ME2: variants seen among roughly 807,000 people sequenced by gnomAD.
ME2 encodes malic enzyme 2.
A neutral mutation model predicts 73.7 loss-of-function variants in ME2; 60 were observed. The ratio of observed to expected loss-of-function variants is 0.81; its 90% CI spans 0.66 to 1.01. ME2 has a LOEUF of 1.01. Among genes scored for constraint, ME2 ranks in the 50% least tolerant of loss-of-function variants. The pLI is 0.00. For missense variants in ME2, 594 were observed against 705.5 expected (o/e 0.84, Z 1.79); for synonymous variants, 199 against 236.9 (o/e 0.84, Z 1.47).
chr18:50,880,857 T>C (rs1218710968), intron 1 of ME2, among the ~76,000 whole-genome samples: 1 of 152,266 alleles, frequency 6.6e-6, no homozygotes, highest in Non-Finnish European at 1.5e-5. Flanking sequence ...AGGGTGTTTA[T>C]ATGTTTTTGT....
chr18:50,880,326 A>T (rs1916287660), intron 1 of ME2, among the ~76,000 whole-genome samples: 1 of 152,166 alleles, frequency 6.6e-6, no homozygotes, highest in Non-Finnish European at 1.5e-5. Context: ...ATTCAAACTC[A>T]AGTGGTCTAA....
At chr18:50,896,010 T>A (rs1916735117) in intron 2 of ME2, 82 bp downstream of exon 2, 3 of 942,940 alleles carry the variant, frequency 3.2e-6, no homozygotes, top group Non-Finnish European at 3.3e-6. Context: ...GTGTGACATA[T>A]TTTTGTAGCT....
chr18:50,881,755 C>T (rs554827029), intron 1 of ME2, among the ~76,000 whole-genome samples: 6 of 152,288 alleles, frequency 3.9e-5, no homozygotes, highest in African/African-American at 1.2e-4. Flanking sequence ...ATTTAGAAGG[C>T]ACCTTGTGAC....
At chr18:50,927,155 C>T (rs1413027567) in intron 12 of ME2, among the ~76,000 whole-genome samples, 1 of 152,154 alleles carries the variant, frequency 6.6e-6, no homozygotes, top group East Asian at 1.9e-4. Flanking sequence ...TCCTACCATT[C>T]TGTAAGGATG....
chr18:50,913,094 A>G, intron 4 of ME2, 144 bp downstream of exon 4: 1 of 594,938 alleles, frequency 1.7e-6, no homozygotes, highest in Non-Finnish European at 2.7e-6. Context: ...ATTAAAAGAG[A>G]TTAACAAAAT....
At chr18:50,900,440 G>A (rs113425664) in intron 2 of ME2, among the ~76,000 whole-genome samples, 11 of 151,542 alleles carry the variant, frequency 7.3e-5, no homozygotes, top group Admixed American at 2.6e-4. Flanking sequence ...GAGTACAGGC[G>A]CCTGCCACCA....
chr18:50,879,576 C>T (rs769861778), intron 1 of ME2, among the ~76,000 whole-genome samples: 9 of 152,222 alleles, frequency 5.9e-5, no homozygotes, highest in Non-Finnish European at 1.3e-4. Flanking sequence ...GTTCCTCCGC[C>T]GGCTGGTGCC....
In ME2 at chr18:50,918,159, G is replaced by A. The variant is rs755264666; in HGVS notation, c.680G>A (p.Arg227His). Residue 227 changes from arginine (R) to histidine (H), a missense_variant, in exon 7 of 16, where the codon CGC (arginine) becomes CAC (histidine). Coordinates refer to ENST00000321341, the MANE Select transcript of ME2 (RefSeq NM_002396.5). Reference sequence around the variant, plus strand: ...ATGGGCTTGTACCAGAAACGAGATCGCACACAACAGTATGATGACCTGATT... The same window carrying A: ...ATGGGCTTGTACCAGAAACGAGATCACACACAACAGTATGATGACCTGATT... Reference protein sequence around the residue: ...FYMGLYQKRDRTQQYDDLIDE... With the variant: ...FYMGLYQKRDHTQQYDDLIDE... 1.1e-5 allele frequency: 17 copies of A among 1,609,388 alleles called. No homozygotes were observed. Among genetic ancestry groups the A allele is most frequent in the Admixed American group, 1.0e-4 (6 of 59,850 alleles).
At chr18:50,893,251 GT>G (rs1258000308) in intron 1 of ME2, among the ~76,000 whole-genome samples, 1 of 151,394 alleles carries the variant, frequency 6.6e-6, no homozygotes, top group African/African-American at 2.4e-5. Context: ...TAATTTTATG[GT>G]ATTTTGAACT....
In ME2 at chr18:50,895,945, T is replaced by C. The variant is rs752756112; in HGVS notation, c.108+17T>C. The C allele has an allele frequency of 5.4e-6, 8 of 1,474,380 alleles. No individual in the cohort carries two copies. Among genetic ancestry groups the C allele is most frequent in the Non-Finnish European group, 6.6e-6 (7 of 1,054,174 alleles). The allele number at this position is 1,474,380 out of a possible 1,614,324, so 91.3% of individuals were successfully genotyped here. A position where few individuals can be genotyped will look rare whatever the true frequency, so the allele number is the denominator to read the frequency against. ...ACAAACAAGGTTAGTAACATTAATA[T>C]CAATGTACATTTTCTCTCTTCTTAT... On this transcript the variant is annotated intron_variant, in intron 2 of 15. Coordinates refer to ENST00000321341, the MANE Select transcript of ME2 (RefSeq NM_002396.5).
intron 1 of ME2, 32 bp from the exon 2 acceptor site, chr18:50,895,777 C>A: frequency 7.1e-7 from 1 of 1,401,020 alleles, no homozygotes; most frequent in Non-Finnish European, 1.0e-6. Context: ...ATATGATTCT[C>A]TTCAGTGGTT....
chr18:50,898,809 T>C (rs980237593), intron 2 of ME2, among the ~76,000 whole-genome samples: 1 of 152,238 alleles, frequency 6.6e-6, no homozygotes, highest in Non-Finnish European at 1.5e-5. Flanking sequence ...AATTTGGGCT[T>C]TACCATTTAC....
At chr18:50,894,892 A>T (rs201935687) in intron 1 of ME2, among the ~76,000 whole-genome samples, 1,687 of 150,526 alleles carry the variant, frequency 0.011, 18 homozygotes, top group East Asian at 0.066. Context: ...AAAAAAAAAA[A>T]TTTTTTTGAA....
intron 2 of ME2, among the ~76,000 whole-genome samples, chr18:50,906,185 G>C (rs1917015545): frequency 6.6e-6 from 1 of 152,012 alleles, no homozygotes; most frequent in Non-Finnish European, 1.5e-5. Context: ...GCTTCCTCAA[G>C]GACAGTTTCA....
chr18:50,920,749 A>C lies in ME2; in HGVS notation c.933A>C (p.Gly311=). 1 of 1,605,728 alleles carries C rather than the reference A, an allele frequency of 6.2e-7. No homozygotes were observed. Among genetic ancestry groups the C allele is most frequent in the Middle Eastern group, 2.2e-4 (1 of 4,462 alleles). The change falls in exon 9 of 16, where the codon GGA becomes GGC. Residue 311 remains glycine, a synonymous_variant. Coordinates refer to ENST00000321341, the MANE Select transcript of ME2 (RefSeq NM_002396.5). ...PISEHKILFL[G]AGEAALGIAN... ...CCGAACACAAAATCTTATTCCTTGG[A>C]GCAGGAGAGGTAAGTTTTGAAGGCT...
At chr18:50,887,821 A>G (rs1306588481) in intron 1 of ME2, among the ~76,000 whole-genome samples, 4 of 152,244 alleles carry the variant, frequency 2.6e-5, no homozygotes, top group African/African-American at 9.6e-5. Context: ...AAATTATGCC[A>G]TGAAAGAGAC....
chr18:50,918,307 C>G, intron 7 of ME2, 94 bp downstream of exon 7: 1 of 722,454 alleles, frequency 1.4e-6, no homozygotes, highest in South Asian at 2.2e-5. Flanking sequence ...TATTTCTTTC[C>G]TGTGTAGATA....
chr18:50,952,638 G>T lies in ME2; in HGVS notation c.*5454G>T, dbSNP rs1918247256. The T allele has an allele frequency of 6.6e-6, 1 of 152,144 alleles. No homozygotes were observed. The highest frequency in any genetic ancestry group is 2.4e-5 in the African/African-American group (1 of 41,440). The allele number at this position is 152,144 out of a possible 1,614,324, so 9.4% of individuals were successfully genotyped here. ...TCCTCCATTCAGCACACTTTTTAAT[G>T]TTAAGACTAGGGGAAACTTGTGGGT... On this transcript the variant is annotated 3_prime_UTR_variant, in exon 16 of 16. Transcript: ENST00000321341.
At chr18:50,927,841 G>T (rs1343077374) in intron 12 of ME2, among the ~76,000 whole-genome samples, 1 of 130,262 alleles carries the variant, frequency 7.7e-6, no homozygotes, top group Non-Finnish European at 1.6e-5. Context: ...TTGAGACAGG[G>T]TCTCTCTTGG....
Sources: allele counts gnomAD v4.1 joint callset (sites outside exome capture counted in the v4.1 genomes callset), GRCh38; gene constraint gnomAD v4.1.1; transcripts MANE v1.5; gene names NCBI Gene and HGNC (gene_info 2026-07-23, HGNC 2026-07-21).